Variants in CNGB3 observed in about 807,000 individuals in gnomAD.
CNGB3 encodes cyclic nucleotide-gated channel beta-3.
CNGB3 carries 86 observed loss-of-function variants against 92.8 expected under a neutral mutation model. That is an observed-to-expected ratio of 0.93 (90% confidence interval 0.78 to 1.11). The LOEUF is 1.11. Among genes scored for constraint, CNGB3 ranks in the 50% least tolerant of loss-of-function variants. CNGB3 has a pLI of 0.00. For synonymous variants in CNGB3, 333 were observed against 332.7 expected (o/e 1.00, Z -0.01); for missense variants, 1,026 against 956.8 (o/e 1.07, Z -0.95).
At position 86,733,228 on chromosome 8, in the gene CNGB3, ATAATGG is replaced by A. The variant is rs1825189770; in HGVS notation, c.211+6421_211+6426del. ...CTATTTTTGGGTCAATTTGTTTAAGATAATGGCCTCCATCTTCATCCATGTTGCTGC... is the reference window on the plus strand; with the variant it reads ...CTATTTTTGGGTCAATTTGTTTAAGACCTCCATCTTCATCCATGTTGCTGC... On this transcript the variant is annotated intron_variant, in intron 2 of 17. Transcript: ENST00000320005. Among the ~76,000 whole-genome samples, 11 of 152,256 alleles carry A rather than the reference ATAATGG, an allele frequency of 7.2e-5. 1 individual carries two copies. In the South Asian group the frequency reaches 2.3e-3, roughly 32 times the overall value.
intron 3 of CNGB3, among the ~76,000 whole-genome samples, chr8:86,688,692 T>C (rs928787171): frequency 3.9e-5 from 6 of 152,050 alleles, no homozygotes; most frequent in African/African-American, 1.4e-4. Flanking sequence ...ATTTTATTTA[T>C]TTGGATATAT....
At chr8:86,711,628 G>T (rs1176577118) in intron 3 of CNGB3, among the ~76,000 whole-genome samples, 2 of 151,986 alleles carry the variant, frequency 1.3e-5, no homozygotes, top group African/African-American at 4.8e-5. Context: ...CTCTCTCAGG[G>T]CCACTGCACA....
At chr8:86,601,890 A>T (rs1335516383) in intron 15 of CNGB3, among the ~76,000 whole-genome samples, 1 of 152,212 alleles carries the variant, frequency 6.6e-6, no homozygotes, top group African/African-American at 2.4e-5. Flanking sequence ...TTAGAAACCA[A>T]ATGGGTAATA....
intron 15 of CNGB3, among the ~76,000 whole-genome samples, chr8:86,581,349 A>G (rs1220565421): frequency 1.3e-5 from 2 of 152,108 alleles, no homozygotes; most frequent in Non-Finnish European, 2.9e-5. Context: ...GAGAGTGAGA[A>G]ACTCTTGGGG....
At chr8:86,650,353 TCAAC>T (rs1013376489) in intron 7 of CNGB3, among the ~76,000 whole-genome samples, 1 of 151,462 alleles carries the variant, frequency 6.6e-6, no homozygotes, top group African/African-American at 2.4e-5. Flanking sequence ...TTTCTGTAGA[TCAAC>T]CATCTGATCC....
rs544430393 is a variant in CNGB3, at chr8:86,641,696, C to T, written c.1178+2055G>A. On this transcript the variant is annotated intron_variant, in intron 10 of 17. Coordinates refer to ENST00000320005, the MANE Select transcript of CNGB3 (RefSeq NM_019098.5). ...CTCTATTTCTGTTCTTTAGTGGTTA[C>T]TCACACTCATTTTCTATTGTACTCC... Among the ~76,000 whole-genome samples, 34 of 151,772 alleles carry T rather than the reference C, an allele frequency of 2.2e-4. No individual in the cohort carries two copies. The South Asian group carries it at 6.6e-3, about 30-fold the overall frequency.
chr8:86,700,452 G>C (rs992449238), intron 3 of CNGB3, among the ~76,000 whole-genome samples: 3 of 152,096 alleles, frequency 2.0e-5, no homozygotes, highest in African/African-American at 7.2e-5. Flanking sequence ...TTTTCTTAGA[G>C]TAAGACTACT....
intron 13 of CNGB3, among the ~76,000 whole-genome samples, chr8:86,623,320 T>G (rs941434736): frequency 6.6e-6 from 1 of 152,192 alleles, no homozygotes; most frequent in Non-Finnish European, 1.5e-5. Flanking sequence ...GTGCTGATAT[T>G]AAAAGGACAC....
At chr8:86,628,149 G>A (rs1585978694) in intron 12 of CNGB3, among the ~76,000 whole-genome samples, 1 of 152,158 alleles carries the variant, frequency 6.6e-6, no homozygotes, top group African/African-American at 2.4e-5. Context: ...TTCTGGGGGA[G>A]TCAAAAGTTA....
rs767306246 is a variant in CNGB3, at chr8:86,644,698, A to G, written c.991-12T>C. The G allele has an allele frequency of 2.7e-6, 4 of 1,502,290 alleles. No individual in the cohort carries two copies. The East Asian group carries it at 9.4e-5, about 35-fold the overall frequency. 93.1% of individuals were successfully genotyped at this position (1,502,290 alleles called of 1,614,324 possible). The stretch of plus-strand genomic sequence containing the variant: ...AAAAATGAAGTGTACTATATAGAAA[A>G]GCAAAAGAAATCCAAAAGCATGTTA... On this transcript the variant is annotated splice_polypyrimidine_tract_variant and intron_variant, in intron 8 of 17. Transcript: ENST00000320005.
At chr8:86,642,024 T>G (rs1823198174) in intron 10 of CNGB3, among the ~76,000 whole-genome samples, 1 of 151,758 alleles carries the variant, frequency 6.6e-6, no homozygotes, top group South Asian at 2.1e-4. Context: ...TGGCCATTCC[T>G]TTCGTTTTTC....
chr8:86,712,231 A>T (rs1375439066), intron 3 of CNGB3, among the ~76,000 whole-genome samples: 2 of 152,098 alleles, frequency 1.3e-5, no homozygotes, highest in African/African-American at 4.8e-5. Flanking sequence ...TCATATCTGG[A>T]TACTTTGCTG....
At chr8:86,676,031 G>A (rs1414993459) in intron 3 of CNGB3, among the ~76,000 whole-genome samples, 1 of 152,006 alleles carries the variant, frequency 6.6e-6, no homozygotes, top group African/African-American at 2.4e-5. Flanking sequence ...AAGGAAGATA[G>A]GAAAGAAAAA....
At chr8:86,613,390 T>A (rs962079532) in intron 13 of CNGB3, among the ~76,000 whole-genome samples, 2 of 152,186 alleles carry the variant, frequency 1.3e-5, no homozygotes, top group Non-Finnish European at 1.5e-5. Flanking sequence ...TTGGAATAAT[T>A]TCACTTCAGA....
chr8:86,599,508 C>G (rs1326471773), intron 15 of CNGB3, among the ~76,000 whole-genome samples: 1 of 152,300 alleles, frequency 6.6e-6, no homozygotes, highest in East Asian at 1.9e-4. Flanking sequence ...AGCCATATTT[C>G]TCTTCTTTCA....
At chr8:86,576,188 AGATTTT>A in intron 17 of CNGB3, 58 bp from the exon 18 acceptor site, 1 of 1,573,530 alleles carries the variant, frequency 6.4e-7, no homozygotes, top group South Asian at 1.1e-5. Flanking sequence ...ACATTGGATT[AGATTTT>A]GATTAGCATG....
At chr8:86,602,353 G>A (rs547326236) in intron 15 of CNGB3, among the ~76,000 whole-genome samples, 15 of 152,234 alleles carry the variant, frequency 9.9e-5, no homozygotes, top group Non-Finnish European at 2.1e-4. Flanking sequence ...TAACAACAGA[G>A]AAATAACATG....
In CNGB3 at chr8:86,676,270, C is replaced by T. The variant is rs986892258; in HGVS notation, c.339-5172G>A. Among the ~76,000 whole-genome samples the T allele has an allele frequency of 5.3e-5, 8 of 152,060 alleles. No homozygotes were observed. In the South Asian group the frequency reaches 6.2e-4, roughly 12 times the overall value. Reference sequence around the variant, plus strand: ...GGTAACATGAGTGGGTGGTGATCTGCGGTGAGTTTACAGCAGAGGTGGTTT... The same window carrying T: ...GGTAACATGAGTGGGTGGTGATCTGTGGTGAGTTTACAGCAGAGGTGGTTT... On this transcript the variant is annotated intron_variant, in intron 3 of 17. Coordinates refer to ENST00000320005, the MANE Select transcript of CNGB3 (RefSeq NM_019098.5).
intron 15 of CNGB3, among the ~76,000 whole-genome samples, chr8:86,582,799 C>T (rs543136101): frequency 2.0e-5 from 3 of 152,256 alleles, no homozygotes; most frequent in African/African-American, 7.2e-5. Context: ...AATCAATTGC[C>T]AGTGGCCTTG....
Sources: gnomAD v4.1 joint callset for allele counts (sites outside exome capture counted in the v4.1 genomes callset) on GRCh38, gnomAD v4.1.1 for gene constraint, MANE v1.5 for transcripts, NCBI Gene and HGNC (gene_info 2026-07-23, HGNC 2026-07-21) for gene names.